SCOC: variants seen among roughly 807,000 people sequenced by gnomAD.
The protein encoded by SCOC is short coiled-coil protein.
In SCOC, 7 loss-of-function variants were observed where a neutral mutation model predicts 9.9. The ratio of observed to expected loss-of-function variants is 0.71; its 90% CI spans 0.40 to 1.33. SCOC has a LOEUF of 1.33. SCOC is among the 40% of genes most tolerant of loss of function. SCOC has a pLI of 0.01. For missense variants in SCOC, 66 were observed against 89.7 expected, an observed-to-expected ratio of 0.74 and a Z score of 1.07; for synonymous variants, 19 against 28.2, an observed-to-expected ratio of 0.67 and a Z score of 1.03.
intron 1 of SCOC, among the ~76,000 whole-genome samples, chr4:140,308,632 G>A (rs772801961): frequency 1.3e-5 from 2 of 152,172 alleles, no homozygotes; most frequent in African/African-American, 2.4e-5. Context: ...GCAGCTTGCC[G>A]GCTTGTCTGT....
chr4:140,326,631 AGTTATAGGCAGACC>A (rs1160942793), intron 1 of SCOC, among the ~76,000 whole-genome samples: 1 of 59,024 alleles, frequency 1.7e-5, no homozygotes. Context: ...TTCTCAAATG[AGTTATAGGCAGACC>A]CCCCCCCCTA....
chr4:140,268,523 C>T (rs1009002028), intron 1 of SCOC, among the ~76,000 whole-genome samples: 38 of 152,246 alleles, frequency 2.5e-4, no homozygotes, highest in African/African-American at 8.4e-4. Context: ...TGGAAGAGCA[C>T]GAGCTGCATG....
At chr4:140,328,762 C>T (rs1035833414) in intron 1 of SCOC, among the ~76,000 whole-genome samples, 1 of 152,190 alleles carries the variant, frequency 6.6e-6, no homozygotes, top group Non-Finnish European at 1.5e-5. Flanking sequence ...GTGATTCCAT[C>T]TGACACATGT....
intron 1 of SCOC, among the ~76,000 whole-genome samples, chr4:140,317,150 G>A (rs1423034461): frequency 6.6e-6 from 1 of 152,234 alleles, no homozygotes; most frequent in East Asian, 1.9e-4. Flanking sequence ...GGACTCTCTT[G>A]TAAGATGGCT....
intron 2 of SCOC, among the ~76,000 whole-genome samples, chr4:140,361,616 G>A (rs1369897736): frequency 6.6e-6 from 1 of 152,118 alleles, no homozygotes; most frequent in African/African-American, 2.4e-5. Flanking sequence ...CCATGACTGT[G>A]CCACTGCACT....
chr4:140,354,726 A>T (rs1386139908), intron 2 of SCOC, among the ~76,000 whole-genome samples: 4 of 150,548 alleles, frequency 2.7e-5, no homozygotes, highest in Non-Finnish European at 5.9e-5. Context: ...TTTTTTTTTT[A>T]AACCTTTTTG....
intron 1 of SCOC, among the ~76,000 whole-genome samples, chr4:140,309,612 T>A (rs1179340669): frequency 6.6e-6 from 1 of 152,200 alleles, no homozygotes; most frequent in Non-Finnish European, 1.5e-5. Context: ...CAAATAGATA[T>A]ATCCAAATAA....
chr4:140,307,860 A>G (rs1732037429), intron 1 of SCOC, among the ~76,000 whole-genome samples: 1 of 152,256 alleles, frequency 6.6e-6, no homozygotes, highest in Non-Finnish European at 1.5e-5. Flanking sequence ...TGATAATAAG[A>G]GGACAGGGAG....
chr4:140,337,551 A>T (rs957858883), intron 1 of SCOC, among the ~76,000 whole-genome samples: 1 of 152,194 alleles, frequency 6.6e-6, no homozygotes, highest in Non-Finnish European at 1.5e-5. Context: ...AATTACAACA[A>T]GAATACTAAG....
intron 1 of SCOC, among the ~76,000 whole-genome samples, chr4:140,270,119 C>A (rs1730811377): frequency 6.6e-6 from 1 of 152,134 alleles, no homozygotes; most frequent in Non-Finnish European, 1.5e-5. Context: ...TAGCCTTCAG[C>A]ATCTTTTATT....
intron 1 of SCOC, among the ~76,000 whole-genome samples, chr4:140,270,681 A>G (rs1730823645): frequency 6.6e-6 from 1 of 152,118 alleles, no homozygotes; most frequent in African/African-American, 2.4e-5. Flanking sequence ...GAGCCCAGAG[A>G]AAGGAGGTAA....
chr4:140,346,669 C>G (rs189504634), intron 2 of SCOC, among the ~76,000 whole-genome samples: 84 of 152,312 alleles, frequency 5.5e-4, no homozygotes, highest in African/African-American at 1.9e-3. Flanking sequence ...CCAGTAGTTA[C>G]TCAAGTCACA....
chr4:140,329,597 C>T (rs140091723), intron 1 of SCOC, among the ~76,000 whole-genome samples: 1,893 of 151,998 alleles, frequency 0.012, 34 homozygotes, highest in African/African-American at 0.044. Flanking sequence ...TCAAACAAAT[C>T]AGCAAGAAAA....
At chr4:140,282,610 A>G (rs1214099221) in intron 1 of SCOC, among the ~76,000 whole-genome samples, 1 of 152,196 alleles carries the variant, frequency 6.6e-6, no homozygotes, top group East Asian at 1.9e-4. Flanking sequence ...GCTAATGCTA[A>G]AGTCAAACTC....
chr4:140,356,886 A>C (rs1380939800), intron 2 of SCOC, among the ~76,000 whole-genome samples: 1 of 152,160 alleles, frequency 6.6e-6, no homozygotes, highest in Non-Finnish European at 1.5e-5. Flanking sequence ...TTCCCAATTT[A>C]TTAAGTGAGT....
At chr4:140,296,047 A>G (rs1361987487) in intron 1 of SCOC, among the ~76,000 whole-genome samples, 1 of 151,808 alleles carries the variant, frequency 6.6e-6, no homozygotes, top group African/African-American at 2.4e-5. Flanking sequence ...TGTGGGAACC[A>G]GGCCCAGGAA....
At chr4:140,297,785 T>G (rs576048023) in intron 1 of SCOC, among the ~76,000 whole-genome samples, 44 of 152,140 alleles carry the variant, frequency 2.9e-4, no homozygotes, top group Admixed American at 1.7e-3. Flanking sequence ...CAGGAGACAG[T>G]GGGGGGAGGG....
intron 1 of SCOC, among the ~76,000 whole-genome samples, chr4:140,276,178 A>G (rs138054194): frequency 3.0e-3 from 463 of 152,016 alleles, no homozygotes; most frequent in African/African-American, 0.01. Flanking sequence ...AAATTTTTGT[A>G]TTTTTAGTAG....
intron 1 of SCOC, among the ~76,000 whole-genome samples, chr4:140,318,776 C>T (rs1011204855): frequency 4.0e-5 from 6 of 151,542 alleles, no homozygotes; most frequent in Non-Finnish European, 7.4e-5. Flanking sequence ...AAGACACATG[C>T]ACACGTATGT....
Sources: allele counts gnomAD v4.1 joint callset (sites outside exome capture counted in the v4.1 genomes callset), GRCh38; gene constraint gnomAD v4.1.1; transcripts MANE v1.5; gene names NCBI Gene and HGNC (gene_info 2026-07-23, HGNC 2026-07-21).